The following WWC2 variants were observed in gnomAD, a reference collection of about 807,000 sequenced individuals.
WWC2 encodes the protein WW and C2 domain containing 2, also known as protein WWC2.
A neutral mutation model predicts 138.5 loss-of-function variants in WWC2; 101 were observed. The observed-to-expected ratio is 0.73, with a 90% CI of 0.62 to 0.86. The LOEUF is 0.86. Ranked by LOEUF, WWC2 falls within the 40% of genes least tolerant of loss-of-function variation. The pLI is 0.00. For synonymous variants in WWC2, 558 were observed against 538.4 expected (o/e 1.04, Z -0.50); for missense variants, 1,420 against 1,419.4 (o/e 1.00, Z -0.01).
chr4:183,171,772 C>T (rs1225540644), intron 1 of WWC2, among the ~76,000 whole-genome samples: 2 of 152,072 alleles, frequency 1.3e-5, no homozygotes, highest in Non-Finnish European at 1.5e-5. Flanking sequence ...TGGTATTTGC[C>T]GCTGTGTTTT....
intron 21 of WWC2, among the ~76,000 whole-genome samples, chr4:183,302,413 T>C (rs1478603570): frequency 6.6e-6 from 1 of 152,212 alleles, no homozygotes; most frequent in African/African-American, 2.4e-5. Context: ...GCAGTTGGCT[T>C]TTCAAGTCTA....
chr4:183,194,957 ATTAT>A (rs1485083974), intron 2 of WWC2, among the ~76,000 whole-genome samples: 3 of 152,202 alleles, frequency 2.0e-5, no homozygotes, highest in African/African-American at 7.2e-5. Flanking sequence ...TTGTAGAGCT[ATTAT>A]TTATCTCTCC....
intron 1 of WWC2, among the ~76,000 whole-genome samples, chr4:183,146,875 T>C (rs1388182584): frequency 6.6e-6 from 1 of 152,160 alleles, no homozygotes; most frequent in African/African-American, 2.4e-5. Flanking sequence ...TAAGCAAGGA[T>C]CAGAAAATGG....
chr4:183,128,454 A>G (rs1370351788), intron 1 of WWC2, among the ~76,000 whole-genome samples: 2 of 152,146 alleles, frequency 1.3e-5, no homozygotes, highest in African/African-American at 4.8e-5. Flanking sequence ...AGTGGAGGCT[A>G]CAGTGAGTTG....
At chr4:183,106,276 G>A (rs1017758045) in intron 1 of WWC2, among the ~76,000 whole-genome samples, 3 of 152,132 alleles carry the variant, frequency 2.0e-5, no homozygotes, top group Middle Eastern at 3.4e-3. Flanking sequence ...GAGCCACCAC[G>A]CCCGGCTGAG....
chr4:183,260,759 G>T, intron 10 of WWC2, 151 bp from the exon 11 acceptor site: 1 of 1,054,396 alleles, frequency 9.5e-7, no homozygotes, highest in Non-Finnish European at 1.3e-6. Flanking sequence ...CTGACACACG[G>T]CCGTAATATA....
chr4:183,313,016 G>A (rs1040521877), intron 22 of WWC2, among the ~76,000 whole-genome samples: 1 of 152,164 alleles, frequency 6.6e-6, no homozygotes, highest in Non-Finnish European at 1.5e-5. Flanking sequence ...TATGGGGCAG[G>A]TGCTGGGGCT....
intron 1 of WWC2, among the ~76,000 whole-genome samples, chr4:183,102,452 G>T (rs1353041242): frequency 6.6e-6 from 1 of 152,192 alleles, no homozygotes; most frequent in Non-Finnish European, 1.5e-5. Context: ...TGTGAGGTAG[G>T]TACTACTGTC....
intron 1 of WWC2, 122 bp from the exon 2 acceptor site, chr4:183,193,477 T>G: frequency 1.2e-6 from 1 of 811,456 alleles, no homozygotes. Flanking sequence ...ATTTTATCCT[T>G]GGTTTTTTTT....
chr4:183,218,741 C>T (rs1022418854), intron 4 of WWC2, among the ~76,000 whole-genome samples: 2 of 152,112 alleles, frequency 1.3e-5, no homozygotes, highest in Admixed American at 6.5e-5. Flanking sequence ...CAGATGAAGT[C>T]CAAAGGCAGT....
At chr4:183,302,232 G>C (rs1484689743) in intron 21 of WWC2, among the ~76,000 whole-genome samples, 1 of 152,202 alleles carries the variant, frequency 6.6e-6, no homozygotes, top group Non-Finnish European at 1.5e-5. Flanking sequence ...CATAGTCAAA[G>C]ATCTTGTCTT....
At chr4:183,160,853 C>A (rs1733942734) in intron 1 of WWC2, among the ~76,000 whole-genome samples, 1 of 152,088 alleles carries the variant, frequency 6.6e-6, no homozygotes, top group Non-Finnish European at 1.5e-5. Flanking sequence ...TGATAATGAT[C>A]ATCAAATATT....
At chr4:183,166,338 A>G (rs1034104620) in intron 1 of WWC2, among the ~76,000 whole-genome samples, 2 of 152,174 alleles carry the variant, frequency 1.3e-5, no homozygotes. Flanking sequence ...TTCTTTATAT[A>G]AATGTCATGT....
At chr4:183,267,008 A>G (rs1006105726) in intron 14 of WWC2, among the ~76,000 whole-genome samples, 5 of 152,146 alleles carry the variant, frequency 3.3e-5, no homozygotes, top group Non-Finnish European at 7.4e-5. Context: ...GTAGTTGACA[A>G]TAGAAGAATA....
chr4:183,289,341 A>C, intron 20 of WWC2, 52 bp from the exon 21 acceptor site: 1 of 1,577,834 alleles, frequency 6.3e-7, no homozygotes, highest in East Asian at 2.3e-5. Context: ...GAAGTGGGGT[A>C]ACCACTGCCT....
intron 1 of WWC2, among the ~76,000 whole-genome samples, chr4:183,103,068 C>T (rs951343593): frequency 6.6e-6 from 1 of 152,094 alleles, no homozygotes; most frequent in Admixed American, 6.6e-5. Context: ...ATGACTTTGT[C>T]TAGTTGAACT....
intron 20 of WWC2, among the ~76,000 whole-genome samples, chr4:183,287,825 C>T (rs1295068616): frequency 4.6e-5 from 7 of 152,140 alleles, no homozygotes; most frequent in Non-Finnish European, 1.5e-5. Flanking sequence ...CAATTGTGCT[C>T]GTCTCTTGCC....
chr4:183,270,955 T>C, intron 15 of WWC2, 125 bp from the exon 16 acceptor site: 4 of 831,150 alleles, frequency 4.8e-6, no homozygotes, highest in Non-Finnish European at 6.7e-6. Flanking sequence ...GTCAGGAGAA[T>C]TGTGTTTTTT....
intron 16 of WWC2, among the ~76,000 whole-genome samples, chr4:183,280,243 T>G (rs1044096250): frequency 1.2e-4 from 18 of 148,350 alleles, no homozygotes; most frequent in African/African-American, 4.2e-4. Context: ...TTTTTTTTTT[T>G]TTTTTTTTTT....
Sources: gnomAD v4.1 joint callset for allele counts (sites outside exome capture counted in the v4.1 genomes callset) on GRCh38, gnomAD v4.1.1 for gene constraint, MANE v1.5 for transcripts, NCBI Gene and HGNC (gene_info 2026-07-23, HGNC 2026-07-21) for gene names.